The following MORC1 variants were observed in gnomAD, a reference collection of about 807,000 sequenced individuals.
The protein encoded by MORC1 is MORC family CW-type zinc finger 1, also known as MORC family CW-type zinc finger protein 1.
MORC1 carries 59 observed loss-of-function variants against 134.9 expected under a neutral mutation model. The ratio of observed to expected loss-of-function variants is 0.44; its 90% CI spans 0.35 to 0.54. MORC1 has a LOEUF of 0.54. Ranked by LOEUF, MORC1 falls within the 20% of genes least tolerant of loss-of-function variation. MORC1 has a pLI of 0.00. For missense variants in MORC1, 947 were observed against 1,134.5 expected, an observed-to-expected ratio of 0.83 and a Z score of 2.37; for synonymous variants, 395 against 391.7, an observed-to-expected ratio of 1.01 and a Z score of -0.10.
intron 8 of MORC1, among the ~76,000 whole-genome samples, chr3:109,089,253 T>C (rs761372779): frequency 6.6e-6 from 1 of 152,122 alleles, no homozygotes; most frequent in Non-Finnish European, 1.5e-5. Context: ...TCCAATTCAG[T>C]GGCATATCTT....
intron 6 of MORC1, among the ~76,000 whole-genome samples, chr3:109,098,557 C>T (rs1037027282): frequency 6.6e-6 from 1 of 152,140 alleles, no homozygotes; most frequent in Non-Finnish European, 1.5e-5. Context: ...ATCTCCAGTA[C>T]CAGCTTTTCC....
intron 20 of MORC1, among the ~76,000 whole-genome samples, chr3:109,001,367 A>G (rs151146011): frequency 6.6e-6 from 1 of 152,256 alleles, no homozygotes; most frequent in Non-Finnish European, 1.5e-5. Context: ...TTAGCAGTAA[A>G]TTCATTACTT....
intron 21 of MORC1, among the ~76,000 whole-genome samples, chr3:108,987,712 G>C (rs1424950264): frequency 6.6e-6 from 1 of 151,884 alleles, no homozygotes; most frequent in Non-Finnish European, 1.5e-5. Flanking sequence ...ATCCTGTTAA[G>C]ATCCATTTTA....
In MORC1 at chr3:109,035,350, G is replaced by A. The variant is rs377208726; in HGVS notation, c.1449C>T (p.Ile483=). Residue 483 remains isoleucine (I), a synonymous_variant, in exon 15 of 28, where the codon ATC becomes ATT. Coordinates refer to ENST00000232603, the MANE Select transcript of MORC1 (RefSeq NM_014429.4). ...QRRQAMGIPF[I]IQCDLCLKWR... Reference sequence around the variant, plus strand: ...GACTTCAACACTCACCACATTGTATGATGAATGGGATACCCATGGCTTGTC... The same window carrying A: ...GACTTCAACACTCACCACATTGTATAATGAATGGGATACCCATGGCTTGTC... The A allele has an allele frequency of 8.2e-6, 13 of 1,587,660 alleles. No homozygotes were observed. The African/African-American group carries it at 1.2e-4, about 15-fold the overall frequency.
intron 3 of MORC1, among the ~76,000 whole-genome samples, chr3:109,104,782 T>G (rs1241483088): frequency 6.6e-6 from 1 of 152,214 alleles, no homozygotes; most frequent in East Asian, 1.9e-4. Flanking sequence ...AGCACATTTC[T>G]CTTTCTTAAA....
At chr3:108,984,133 T>C (rs1284884519) in intron 23 of MORC1, among the ~76,000 whole-genome samples, 2 of 152,168 alleles carry the variant, frequency 1.3e-5, no homozygotes, top group Admixed American at 6.5e-5. Flanking sequence ...AGTGTGCTCC[T>C]ATGCAAAGAG....
chr3:109,005,019 C>T, intron 19 of MORC1, 51 bp downstream of exon 19: 1 of 1,581,622 alleles, frequency 6.3e-7, no homozygotes, highest in African/African-American at 1.4e-5. Flanking sequence ...TGACTGAATG[C>T]TATTTCCAGA....
At chr3:108,992,490 A>G (rs1948091614) in intron 21 of MORC1, among the ~76,000 whole-genome samples, 1 of 152,212 alleles carries the variant, frequency 6.6e-6, no homozygotes, top group South Asian at 2.1e-4. Flanking sequence ...CATTTTATCT[A>G]TATGACCCAG....
chr3:108,983,269 C>T (rs1016511589), intron 23 of MORC1, among the ~76,000 whole-genome samples: 8 of 152,096 alleles, frequency 5.3e-5, no homozygotes, highest in Admixed American at 5.2e-4. Context: ...AAGTATGAGT[C>T]AGTGTCATTC....
In MORC1 at chr3:109,033,422, T is replaced by C. The variant is rs532626563; in HGVS notation, c.1460-597A>G. On this transcript the variant is annotated intron_variant, in intron 15 of 27. Transcript: ENST00000232603. ...TCTTATTCCCCTCTCCAGTCTATAG[T>C]TTCTGATTTCTTCACCCACTTTCCA... Among the ~76,000 whole-genome samples, 31 of 152,282 alleles carry C rather than the reference T, an allele frequency of 2.0e-4. No homozygotes were observed. In the South Asian group the frequency reaches 3.1e-3, roughly 15 times the overall value.
At position 109,065,452 on chromosome 3, in the gene MORC1, GT is replaced by G. The variant is rs1553758304; in HGVS notation, c.816-2222del. On this transcript the variant is annotated intron_variant, in intron 9 of 27. Transcript: ENST00000232603. ...ACCCACCATCCAAGATATCTCCTGT[GT>G]TTTTTTTCCTCCTGGTATTAATGCC... 3.3e-5 allele frequency among the ~76,000 whole-genome samples: 5 copies of G among 152,038 alleles called. No homozygotes were observed. In the East Asian group the frequency reaches 7.7e-4, roughly 24 times the overall value.
At chr3:109,019,999 T>C (rs1012017314) in intron 17 of MORC1, among the ~76,000 whole-genome samples, 2 of 152,124 alleles carry the variant, frequency 1.3e-5, no homozygotes, top group Admixed American at 1.3e-4. Context: ...CAAAAACAAA[T>C]GGTGGGTGAA....
At chr3:109,117,969 G>A (rs904886993) in intron 1 of MORC1, 26 bp downstream of exon 1, 2 of 1,509,284 alleles carry the variant, frequency 1.3e-6, no homozygotes, top group East Asian at 2.4e-5. Context: ...GACCCTCCCC[G>A]ACCCCGACCC....
chr3:109,044,104 C>T (rs868379526), intron 14 of MORC1, among the ~76,000 whole-genome samples: 15 of 152,004 alleles, frequency 9.9e-5, no homozygotes, highest in South Asian at 2.1e-4. Flanking sequence ...TAGGATAATC[C>T]GGGATTAATG....
intron 21 of MORC1, among the ~76,000 whole-genome samples, chr3:108,996,284 G>GCACACACACACACACACACACA (rs1367526527): frequency 3.9e-5 from 3 of 77,534 alleles, no homozygotes; most frequent in African/African-American, 8.7e-5. Flanking sequence ...GTGCGCGCGC[G>GCACACACACACACACACACACA]CGCACACACA....
intron 20 of MORC1, among the ~76,000 whole-genome samples, chr3:109,003,429 A>ACACACG (rs1284932974): frequency 6.7e-6 from 1 of 149,290 alleles, no homozygotes; most frequent in Non-Finnish European, 1.5e-5. Context: ...ACACACACAC[A>ACACACG]CGCATGCATA....
At chr3:109,092,688 T>C (rs956899965) in intron 8 of MORC1, among the ~76,000 whole-genome samples, 1 of 152,228 alleles carries the variant, frequency 6.6e-6, no homozygotes. Context: ...CTTTTTACTT[T>C]TCTTAACATG....
intron 21 of MORC1, among the ~76,000 whole-genome samples, 154 bp downstream of exon 21, chr3:109,000,403 G>T (rs1948370709): frequency 6.6e-6 from 1 of 152,168 alleles, no homozygotes; most frequent in African/African-American, 2.4e-5. Context: ...GTAGCCTTGA[G>T]CAAGTAACTT....
intron 14 of MORC1, among the ~76,000 whole-genome samples, chr3:109,050,888 C>A (rs955036432): frequency 6.6e-6 from 1 of 152,132 alleles, no homozygotes; most frequent in African/African-American, 2.4e-5. Flanking sequence ...TCTTTGCCAA[C>A]TGAAGAACTA....
Sources: gnomAD v4.1 joint callset for allele counts (sites outside exome capture counted in the v4.1 genomes callset) on GRCh38, gnomAD v4.1.1 for gene constraint, MANE v1.5 for transcripts, NCBI Gene and HGNC (gene_info 2026-07-23, HGNC 2026-07-21) for gene names.